NPRL2: variants seen among roughly 807,000 people sequenced by gnomAD.
NPRL2 encodes NPR2 like, GATOR1 complex subunit.
Under a neutral mutation model 51.1 loss-of-function variants are expected in NPRL2, and 21 were observed. That is an observed-to-expected ratio of 0.41 (90% CI 0.29 to 0.59). NPRL2 has a LOEUF of 0.59. NPRL2 is among the 20% of genes least tolerant of loss of function. The probability of loss-of-function intolerance (pLI) is 0.29; values close to 1 mark genes in which losing one functional copy is unlikely to be tolerated. For synonymous variants in NPRL2, 175 were observed against 187.8 expected, an observed-to-expected ratio of 0.93 and a Z score of 0.56; for missense variants, 376 against 483.4, an observed-to-expected ratio of 0.78 and a Z score of 2.08.
rs138670017 is a variant in NPRL2 at position 50,349,398 on chromosome 3, T to C, written c.436A>G (p.Thr146Ala). 1.3e-5 allele frequency: 21 copies of C among 1,613,232 alleles called. No homozygotes were observed. The African/African-American group carries it at 2.4e-4, about 18-fold the overall frequency. Residue 146 changes from threonine (T) to alanine (A), a missense_variant, in exon 4 of 11, where the codon ACT becomes GCT. Coordinates refer to ENST00000232501, the MANE Select transcript of NPRL2 (RefSeq NM_006545.5). The surrounding 1 kb of genome is among the most constrained non-coding windows in gnomAD (Gnocchi z 4.6). ...AGGCTGGCCATACCAATGGGCAGAG[T>C]GCACCGGCCTGAGGCATTTAGCTCC... is the stretch of plus-strand genomic sequence containing the variant. Reference protein sequence around the residue: ...LEELNASGRCTLPIDESNTIH... With the variant: ...LEELNASGRCALPIDESNTIH...
rs200397109 is a variant in NPRL2, at chr3:50,348,557, G to A, written c.690C>T (p.Tyr230=). 31 of 1,614,096 alleles carry A rather than the reference G, an allele frequency of 1.9e-5. No individual in the cohort carries two copies. The highest frequency in any genetic ancestry group is 1.1e-4 in the East Asian group (5 of 44,892). Residue 230 remains tyrosine (Y), a synonymous_variant, in exon 7 of 11, where the codon TAC becomes TAT. Coordinates refer to ENST00000232501, the MANE Select transcript of NPRL2 (RefSeq NM_006545.5). This position sits in a 1 kb window ranked among gnomAD's most constrained non-coding sequence, Gnocchi z 5.8. The part of the protein sequence containing the change: ...VRIAIQNLLY[Y]GVVTLVSILQ... Reference sequence around the variant, plus strand: ...GGATGGACACCAGTGTCACAACGCCGTAGTACCTGAGAGAGAGAGCTGTGC... The same window carrying A: ...GGATGGACACCAGTGTCACAACGCCATAGTACCTGAGAGAGAGAGCTGTGC...
rs1703729680 is a variant in NPRL2, at chr3:50,350,709, C to T, written c.-57G>A. Reference sequence around the variant, plus strand: ...CGTTCCTCGCGCAGAGGCGTCCCCACCTCCTGTGAACACTTGTCAGAGACA... The same window carrying T: ...CGTTCCTCGCGCAGAGGCGTCCCCATCTCCTGTGAACACTTGTCAGAGACA... On this transcript the variant is annotated 5_prime_UTR_variant, in exon 1 of 11. It adds an upstream start codon to the 5' untranslated region. Coordinates refer to ENST00000232501, the MANE Select transcript of NPRL2 (RefSeq NM_006545.5). This position sits in a 1 kb window ranked among gnomAD's most constrained non-coding sequence, Gnocchi z 5.7. 20 of 1,554,250 alleles carry T rather than the reference C, an allele frequency of 1.3e-5. No individual in the cohort carries two copies. The highest frequency in any genetic ancestry group is 1.7e-5 in the Non-Finnish European group (19 of 1,150,514).
chr3:50,350,647 G>A lies in NPRL2; in HGVS notation c.6C>T (p.Gly2=). The change falls in exon 1 of 11, where the codon GGC becomes GGT. Residue 2 remains glycine, a synonymous_variant. Transcript: ENST00000232501. The surrounding 1 kb of genome is among the most constrained non-coding windows in gnomAD (Gnocchi z 5.7). Reference sequence around the variant, plus strand: ...ATATGCATTCGATGCGGCAGCCGCTGCCCATGGCAATAACCGGGCCCAGGC... The same window carrying A: ...ATATGCATTCGATGCGGCAGCCGCTACCCATGGCAATAACCGGGCCCAGGC... The part of the protein sequence containing the change: M[G]SGCRIECIFF... The A allele has an allele frequency of 6.2e-7, 1 of 1,605,164 alleles. No individual in the cohort carries two copies. The highest frequency in any genetic ancestry group is 1.1e-5 in the South Asian group (1 of 89,606).
rs753515517 is a variant in NPRL2 at position 50,348,330 on chromosome 3, G to A, written c.801C>T (p.Tyr267=). 7 of 1,613,782 alleles carry A rather than the reference G, an allele frequency of 4.3e-6. No homozygotes were observed. The highest frequency in any genetic ancestry group is 1.1e-5 in the South Asian group (1 of 91,090). The change falls in exon 8 of 11, where the codon TAC becomes TAT. Residue 267 remains tyrosine (Y), a synonymous_variant. Transcript: ENST00000232501. The surrounding 1 kb of genome is among the most constrained non-coding windows in gnomAD (Gnocchi z 5.8). ...ACCCACCACTACCTTGCTTGGTCAC[G>A]TAGGATAGACATGCCTCTTGCAGGG... ...DKSLQEACLS[Y]VTKQGHKRAS...
At position 50,349,190 on chromosome 3, in the gene NPRL2, G is replaced by T; in HGVS notation, c.449-180C>A. 1.1e-6 allele frequency: 1 copy of T among 874,994 alleles called. No homozygotes were observed. The allele number at this position is 874,994 out of a possible 1,614,324, so 54.2% of individuals were successfully genotyped here. ...GGGAAGGAATTGCCCAAGGGGCAGA[G>T]CTGGAGAGCTCTGCTTTCCCCCTAC... On this transcript the variant is annotated intron_variant, in intron 4 of 10. Transcript: ENST00000232501. This position sits in a 1 kb window ranked among gnomAD's most constrained non-coding sequence, Gnocchi z 4.6.
rs1002851035 is a variant in NPRL2, at chr3:50,348,417, G to A, written c.721-7C>T. ...GGCAGTATACATTGGAGTACTAGAG[G>A]GTAGCAGAAGGCATAGGGGCCTGAG... On this transcript the variant is annotated splice_region_variant and splice_polypyrimidine_tract_variant and intron_variant, in intron 7 of 10. Coordinates refer to ENST00000232501, the MANE Select transcript of NPRL2 (RefSeq NM_006545.5). The surrounding 1 kb of genome is among the most constrained non-coding windows in gnomAD (Gnocchi z 5.8). The A allele has an allele frequency of 6.2e-7, 1 of 1,613,748 alleles. No individual in the cohort carries two copies. The highest frequency in any genetic ancestry group is 1.3e-5 in the African/African-American group (1 of 75,048).
Position 50,349,016 on chromosome 3 carries a change from G to C in NPRL2, c.449-6C>G. The C allele has an allele frequency of 6.2e-7, 1 of 1,612,550 alleles. No homozygotes were observed. The highest frequency in any genetic ancestry group is 8.5e-7 in the Non-Finnish European group (1 of 1,179,378). On this transcript the variant is annotated splice_polypyrimidine_tract_variant and splice_region_variant and intron_variant, in intron 4 of 10. Coordinates refer to ENST00000232501, the MANE Select transcript of NPRL2 (RefSeq NM_006545.5). The surrounding 1 kb of genome is among the most constrained non-coding windows in gnomAD (Gnocchi z 4.6). ...GTGGATGGTGTTGGACTCATCTGCAGGGGGCCCCATCCATATCCTCAGTGC... is the reference window on the plus strand; with the variant it reads ...GTGGATGGTGTTGGACTCATCTGCACGGGGCCCCATCCATATCCTCAGTGC...
Position 50,350,513 on chromosome 3 carries a change from C to A in NPRL2, c.78+62G>T. On this transcript the variant is annotated intron_variant, in intron 1 of 10. Transcript: ENST00000232501. The surrounding 1 kb of genome is among the most constrained non-coding windows in gnomAD (Gnocchi z 5.7). The stretch of plus-strand genomic sequence containing the variant: ...AGCACGGGAAACTACTGCCTTCAGG[C>A]AGCCAGTTGAGCTCTCGAGAACGTC... The A allele has an allele frequency of 1.3e-6, 2 of 1,494,982 alleles. No homozygotes were observed. Among genetic ancestry groups the A allele is most frequent in the Non-Finnish European group, 1.8e-6 (2 of 1,095,862 alleles). 92.6% of individuals were successfully genotyped at this position (1,494,982 alleles called of 1,614,324 possible). A position where few individuals can be genotyped will look rare whatever the true frequency, so the allele number is the denominator to read the frequency against.
Position 50,350,261 on chromosome 3 carries a change from C to T in NPRL2, c.79-239G>A. The T allele has an allele frequency of 1.7e-6, 1 of 596,654 alleles. No homozygotes were observed. The highest frequency in any genetic ancestry group is 3.0e-6 in the Non-Finnish European group (1 of 336,048). The allele number at this position is 596,654 out of a possible 1,614,324, so 37.0% of individuals were successfully genotyped here. ...AACACTTTCTCCTGCCTTACCTAAA[C>T]TTCCTATGCATCATTTACTCTTCAC... On this transcript the variant is annotated intron_variant, in intron 1 of 10. Transcript: ENST00000232501. This position sits in a 1 kb window ranked among gnomAD's most constrained non-coding sequence, Gnocchi z 5.7.
Position 50,348,094 on chromosome 3 carries a change from C to T in NPRL2, c.932+30G>A, listed in dbSNP as rs201727953. ...AGGGTCTAGCTTCCCTCAGGTAACTCCCAAATGCCCCAGCAAATTCTCCTC... is the reference window on the plus strand; with the variant it reads ...AGGGTCTAGCTTCCCTCAGGTAACTTCCAAATGCCCCAGCAAATTCTCCTC... On this transcript the variant is annotated intron_variant, in intron 9 of 10. Coordinates refer to ENST00000232501, the MANE Select transcript of NPRL2 (RefSeq NM_006545.5). This position sits in a 1 kb window ranked among gnomAD's most constrained non-coding sequence, Gnocchi z 5.8. 161 of 1,611,866 alleles carry T rather than the reference C, an allele frequency of 1.0e-4. No individual in the cohort carries two copies. The Admixed American group carries it at 2.2e-3, about 23-fold the overall frequency.
rs946382349 is a variant in NPRL2, at chr3:50,350,512, G to A, written c.78+63C>T. 15 of 1,504,580 alleles carry A rather than the reference G, an allele frequency of 1.0e-5. No homozygotes were observed. Among genetic ancestry groups the A allele is most frequent in the Non-Finnish European group, 1.3e-5 (14 of 1,105,010 alleles). The allele number at this position is 1,504,580 out of a possible 1,614,324, so 93.2% of individuals were successfully genotyped here. A position where few individuals can be genotyped will look rare whatever the true frequency, so the allele number is the denominator to read the frequency against. ...CAGCACGGGAAACTACTGCCTTCAG[G>A]CAGCCAGTTGAGCTCTCGAGAACGT... On this transcript the variant is annotated intron_variant, in intron 1 of 10. Coordinates refer to ENST00000232501, the MANE Select transcript of NPRL2 (RefSeq NM_006545.5). The surrounding 1 kb of genome is among the most constrained non-coding windows in gnomAD (Gnocchi z 5.7).
chr3:50,348,680 C>T lies in NPRL2; in HGVS notation c.683+5G>A, dbSNP rs775082115. The T allele has an allele frequency of 6.2e-7, 1 of 1,614,062 alleles. No homozygotes were observed. The highest frequency in any genetic ancestry group is 8.5e-7 in the Non-Finnish European group (1 of 1,180,028). On this transcript the variant is annotated splice_donor_5th_base_variant and intron_variant, in intron 6 of 10. Coordinates refer to ENST00000232501, the MANE Select transcript of NPRL2 (RefSeq NM_006545.5). This position sits in a 1 kb window ranked among gnomAD's most constrained non-coding sequence, Gnocchi z 5.8. ...TGTCCCAGGTATGACTGTAGGCCCA[C>T]TCACAGCAGGTTCTGGATAGCAATG...
Position 50,350,735 on chromosome 3 carries a change from G to A in NPRL2, c.-83C>T. ...CTCCTGTGAACACTTGTCAGAGACAGCCTCGAGGCCTGTGTCGCTGGGGCA... is the reference window on the plus strand; with the variant it reads ...CTCCTGTGAACACTTGTCAGAGACAACCTCGAGGCCTGTGTCGCTGGGGCA... On this transcript the variant is annotated 5_prime_UTR_variant, in exon 1 of 11. Coordinates refer to ENST00000232501, the MANE Select transcript of NPRL2 (RefSeq NM_006545.5). This position sits in a 1 kb window ranked among gnomAD's most constrained non-coding sequence, Gnocchi z 5.7. 1.3e-6 allele frequency: 2 copies of A among 1,520,080 alleles called. No homozygotes were observed. The highest frequency in any genetic ancestry group is 1.8e-6 in the Non-Finnish European group (2 of 1,133,676). 94.2% of individuals were successfully genotyped at this position (1,520,080 alleles called of 1,614,324 possible).
Position 50,350,676 on chromosome 3 carries a change from T to C in NPRL2, c.-24A>G, listed in dbSNP as rs1007416883. ...ATGGCAATAACCGGGCCCAGGCCCG[T>C]AGCTCCTCGTTCCTCGCGCAGAGGC... On this transcript the variant is annotated 5_prime_UTR_variant, in exon 1 of 11. Transcript: ENST00000232501. This position sits in a 1 kb window ranked among gnomAD's most constrained non-coding sequence, Gnocchi z 5.7. The C allele has an allele frequency of 2.5e-6, 4 of 1,587,886 alleles. No homozygotes were observed. The African/African-American group carries it at 5.4e-5, about 21-fold the overall frequency.
chr3:50,349,658 T>G lies in NPRL2; in HGVS notation c.339+7A>C. On this transcript the variant is annotated splice_region_variant and intron_variant, in intron 3 of 10. Coordinates refer to ENST00000232501, the MANE Select transcript of NPRL2 (RefSeq NM_006545.5). The surrounding 1 kb of genome is among the most constrained non-coding windows in gnomAD (Gnocchi z 4.6). ...GTCGGTAAACCCAAGCCCATCTCAT[T>G]GCAGACCTCTAGTGTGGTCAGATAG... 6.2e-7 allele frequency: 1 copy of G among 1,606,672 alleles called. No homozygotes were observed. Among genetic ancestry groups the G allele is most frequent in the Non-Finnish European group, 8.5e-7 (1 of 1,174,292 alleles).
Position 50,348,834 on chromosome 3 carries a change from G to A in NPRL2, c.585+40C>T. On this transcript the variant is annotated intron_variant, in intron 5 of 10. Transcript: ENST00000232501. The surrounding 1 kb of genome is among the most constrained non-coding windows in gnomAD (Gnocchi z 5.8). The stretch of plus-strand genomic sequence containing the variant: ...GAAACAGGATGAGGCCAGGGCTGTG[G>A]CCAGCCCCAGGTGATGATACCCAGG... 6.2e-7 allele frequency: 1 copy of A among 1,613,852 alleles called. No individual in the cohort carries two copies. The highest frequency in any genetic ancestry group is 8.5e-7 in the Non-Finnish European group (1 of 1,179,848).
In NPRL2 at chr3:50,350,265, C is replaced by T. The variant is rs1189768526; in HGVS notation, c.79-243G>A. ...CTTTCTCCTGCCTTACCTAAACTTC[C>T]TATGCATCATTTACTCTTCACTCAG... On this transcript the variant is annotated intron_variant, in intron 1 of 10. Coordinates refer to ENST00000232501, the MANE Select transcript of NPRL2 (RefSeq NM_006545.5). This position sits in a 1 kb window ranked among gnomAD's most constrained non-coding sequence, Gnocchi z 5.7. The T allele has an allele frequency of 5.0e-6, 3 of 597,224 alleles. No homozygotes were observed. Among genetic ancestry groups the T allele is most frequent in the Non-Finnish European group, 8.9e-6 (3 of 336,628 alleles). The allele number at this position is 597,224 out of a possible 1,614,324, so 37.0% of individuals were successfully genotyped here. A position where few individuals can be genotyped will look rare whatever the true frequency, so the allele number is the denominator to read the frequency against.
chr3:50,348,881 G>T lies in NPRL2; in HGVS notation c.578C>A (p.Thr193Lys). The T allele has an allele frequency of 6.2e-7, 1 of 1,614,058 alleles. No individual in the cohort carries two copies. Among genetic ancestry groups the T allele is most frequent in the Non-Finnish European group, 8.5e-7 (1 of 1,180,020 alleles). The stretch of plus-strand genomic sequence containing the variant: ...CAGGGAGGGATGGCATACTTGTTGT[G>T]TAGTGAGGTCCCACTGTGAGTTGAA... ...DFFNSQWDLT[T>K]QQILPYIDGF... Residue 193 changes from threonine to lysine, a missense_variant, in exon 5 of 11, where the codon ACA (threonine) becomes AAA (lysine). Coordinates refer to ENST00000232501, the MANE Select transcript of NPRL2 (RefSeq NM_006545.5). This position sits in a 1 kb window ranked among gnomAD's most constrained non-coding sequence, Gnocchi z 5.8.
Position 50,350,097 on chromosome 3 carries a change from G to A in NPRL2, c.79-75C>T, listed in dbSNP as rs1703706193. 8.4e-7 allele frequency: 1 copy of A among 1,187,958 alleles called. No homozygotes were observed. The highest frequency in any genetic ancestry group is 1.2e-6 in the Non-Finnish European group (1 of 806,238). The allele number at this position is 1,187,958 out of a possible 1,614,324, so 73.6% of individuals were successfully genotyped here. ...GTAGTACAAATGGTGACCTCCTCAT[G>A]CCCCCCAAGCCCAAGTCCTCTTCTC... On this transcript the variant is annotated intron_variant, in intron 1 of 10. Coordinates refer to ENST00000232501, the MANE Select transcript of NPRL2 (RefSeq NM_006545.5). The surrounding 1 kb of genome is among the most constrained non-coding windows in gnomAD (Gnocchi z 5.7).
Sources: allele counts gnomAD v4.1 joint callset, GRCh38; gene constraint gnomAD v4.1.1; non-coding constraint Gnocchi (gnomAD v3.1); transcripts MANE v1.5; gene names NCBI Gene and HGNC (gene_info 2026-07-23, HGNC 2026-07-21).